Variants in TENM2 observed in about 807,000 individuals in gnomAD.
TENM2 encodes the protein teneurin-2.
A neutral mutation model predicts 245.2 loss-of-function variants in TENM2; 52 were observed. The observed-to-expected ratio is 0.21, with a 90% CI of 0.17 to 0.27. The LOEUF (loss-of-function observed/expected upper bound fraction) is 0.27, where lower values mean the gene tolerates loss of function less well. Among genes scored for constraint, TENM2 ranks in the 10% least tolerant of loss-of-function variants. TENM2 has a pLI of 1.00. For synonymous variants in TENM2, 1,363 were observed against 1,438.9 expected, an observed-to-expected ratio of 0.95 and a Z score of 1.19; for missense variants, 3,046 against 3,666.8, an observed-to-expected ratio of 0.83 and a Z score of 4.37.
the TENM2 span, among the ~76,000 whole-genome samples, chr5:166,989,679 AC>A: frequency 6.6e-6 from 1 of 151,648 alleles, no homozygotes. Context: ...GACGTGAGCC[AC>A]TGCACCTGGC....
At chr5:167,381,499 C>A (rs1372201632) in intron 2 of TENM2, among the ~76,000 whole-genome samples, 2 of 152,106 alleles carry the variant, frequency 1.3e-5, no homozygotes, top group Non-Finnish European at 1.5e-5. Flanking sequence ...AGATTAACAA[C>A]CAACATTTTA....
At position 167,562,634 on chromosome 5, in the gene TENM2, G is replaced by A. The variant is rs375380678; in HGVS notation, c.502+187161G>A. ...CAGAATGTGAAGTATTCAAATGGAA[G>A]CCTGTGACTGCTGCTTGGCCAACCT... On this transcript the variant is annotated intron_variant, in intron 2 of 28. Coordinates refer to ENST00000518659, the Ensembl canonical transcript of TENM2. Among the ~76,000 whole-genome samples, 8 of 152,256 alleles carry A rather than the reference G, an allele frequency of 5.3e-5. No homozygotes were observed. In the East Asian group the frequency reaches 9.7e-4, roughly 18 times the overall value.
intron 2 of TENM2, among the ~76,000 whole-genome samples, chr5:167,847,380 A>G (rs1770147080): frequency 6.6e-6 from 1 of 152,254 alleles, no homozygotes; most frequent in Admixed American, 6.5e-5. Context: ...TCATTTGTGT[A>G]CTGATCAAAT....
chr5:168,173,970 A>G (rs1325738721), intron 13 of TENM2, among the ~76,000 whole-genome samples: 1 of 152,222 alleles, frequency 6.6e-6, no homozygotes, highest in African/African-American at 2.4e-5. Flanking sequence ...GACCTCTGAG[A>G]AGCCTGGTAC....
At chr5:168,002,859 C>T (rs1012683352) in intron 5 of TENM2, among the ~76,000 whole-genome samples, 1 of 152,192 alleles carries the variant, frequency 6.6e-6, no homozygotes, top group Admixed American at 6.5e-5. Context: ...TGGCTGGTCG[C>T]ACTGTGTGCT....
intron 25 of TENM2, among the ~76,000 whole-genome samples, chr5:168,231,236 G>GACTT (rs59920189): frequency 0.05 from 7,691 of 152,308 alleles, 242 homozygotes; most frequent in East Asian, 0.089. Flanking sequence ...GATGAACAAA[G>GACTT]ACTTGGTAAG....
chr5:167,395,872 A>T (rs1762021207), intron 2 of TENM2, among the ~76,000 whole-genome samples: 1 of 152,162 alleles, frequency 6.6e-6, no homozygotes, highest in Non-Finnish European at 1.5e-5. Flanking sequence ...CATCACTAAT[A>T]GCCAGAGAAA....
chr5:167,823,785 G>A (rs369549160), intron 2 of TENM2, among the ~76,000 whole-genome samples: 2 of 152,084 alleles, frequency 1.3e-5, no homozygotes, highest in East Asian at 1.9e-4. Flanking sequence ...ATCCTAAATA[G>A]CCACAGATAC....
chr5:167,787,991 GC>G (rs1342829106), intron 2 of TENM2, among the ~76,000 whole-genome samples: 1 of 152,154 alleles, frequency 6.6e-6, no homozygotes, highest in Non-Finnish European at 1.5e-5. Context: ...AAAAATAACA[GC>G]TATTAAGTTT....
chr5:166,979,182 GCAGCACCACCAC>G, the TENM2 span, among the ~76,000 whole-genome samples: 52 of 123,420 alleles, frequency 4.2e-4, no homozygotes, highest in African/African-American at 1.6e-3. Context: ...AGTAGCAGCA[GCAGCACCACCAC>G]CAGCAGCAGC....
chr5:167,690,754 T>G (rs917160654), intron 2 of TENM2, among the ~76,000 whole-genome samples: 10 of 152,282 alleles, frequency 6.6e-5, no homozygotes, highest in Middle Eastern at 6.8e-3. Context: ...CCTTGCAACT[T>G]AAGTGTCTTT....
intron 20 of TENM2, among the ~76,000 whole-genome samples, chr5:168,213,074 C>T (rs1322921065): frequency 6.6e-6 from 1 of 152,218 alleles, no homozygotes; most frequent in Non-Finnish European, 1.5e-5. Flanking sequence ...CATTCAGTAA[C>T]AGAGTGCAGC....
chr5:167,915,026 C>T (rs1411490612), intron 3 of TENM2, among the ~76,000 whole-genome samples: 1 of 152,150 alleles, frequency 6.6e-6, no homozygotes, highest in Non-Finnish European at 1.5e-5. Flanking sequence ...GGTGGGGAGA[C>T]ACAATTTAAC....
intron 2 of TENM2, among the ~76,000 whole-genome samples, chr5:167,423,113 A>C (rs1763606855): frequency 6.6e-6 from 1 of 152,264 alleles, no homozygotes; most frequent in South Asian, 2.1e-4. Flanking sequence ...GCAATGAACA[A>C]AAAATACACA....
the TENM2 span, among the ~76,000 whole-genome samples, chr5:167,234,205 C>A: frequency 1.3e-5 from 2 of 152,248 alleles, no homozygotes; most frequent in South Asian, 2.1e-4. Flanking sequence ...CAGTAATGAG[C>A]CCTCACACCC....
chr5:167,551,627 C>T (rs548921713), intron 2 of TENM2, among the ~76,000 whole-genome samples: 37 of 152,184 alleles, frequency 2.4e-4, no homozygotes, highest in Admixed American at 8.5e-4. Flanking sequence ...CACACATACA[C>T]GCACACACAC....
At chr5:167,127,900 T>G in the TENM2 span, among the ~76,000 whole-genome samples, 1 of 152,048 alleles carries the variant, frequency 6.6e-6, no homozygotes, top group Admixed American at 6.6e-5. Context: ...CCTGGCAGAG[T>G]GCCCTGAAAC....
At chr5:167,500,233 C>A (rs1452019281) in intron 2 of TENM2, among the ~76,000 whole-genome samples, 1 of 151,988 alleles carries the variant, frequency 6.6e-6, no homozygotes, top group Non-Finnish European at 1.5e-5. Context: ...AGTTGAAGGG[C>A]CTTTGTTGTC....
At chr5:167,886,017 C>T (rs1275373309) in intron 3 of TENM2, among the ~76,000 whole-genome samples, 1 of 152,208 alleles carries the variant, frequency 6.6e-6, no homozygotes, top group East Asian at 1.9e-4. Context: ...CTGAAGCTCC[C>T]TTCTGGCTCC....
Sources: gnomAD v4.1 joint callset for allele counts (sites outside exome capture counted in the v4.1 genomes callset) on GRCh38, gnomAD v4.1.1 for gene constraint, MANE v1.5 for transcripts, NCBI Gene and HGNC (gene_info 2026-07-23, HGNC 2026-07-21) for gene names.